The following PDZRN4 variants were observed in gnomAD, a reference collection of about 807,000 sequenced individuals.
PDZRN4 encodes the protein PDZ domain containing ring finger 4, also known as PDZ domain-containing RING finger protein 4.
In PDZRN4, 70 loss-of-function variants were observed where a neutral mutation model predicts 99.0. The ratio of observed to expected loss-of-function variants is 0.71; its 90% CI spans 0.58 to 0.86. The LOEUF (loss-of-function observed/expected upper bound fraction) is 0.86. Ranked by LOEUF, PDZRN4 falls within the 40% of genes least tolerant of loss-of-function variation. PDZRN4 has a pLI of 0.00. For synonymous variants in PDZRN4, 551 were observed against 501.6 expected, an observed-to-expected ratio of 1.10 and a Z score of -1.32; for missense variants, 1,474 against 1,331.2, an observed-to-expected ratio of 1.11 and a Z score of -1.67.
chr12:41,338,488 T>C (rs1951791259), intron 3 of PDZRN4, among the ~76,000 whole-genome samples: 1 of 150,514 alleles, frequency 6.6e-6, no homozygotes. Context: ...GAGAGATTTT[T>C]AAAAACAATT....
At chr12:41,503,058 G>T (rs1166432353) in intron 3 of PDZRN4, among the ~76,000 whole-genome samples, 1 of 151,970 alleles carries the variant, frequency 6.6e-6, no homozygotes, top group South Asian at 2.1e-4. Context: ...CTTGGGAAAG[G>T]CATAATATAT....
intron 3 of PDZRN4, among the ~76,000 whole-genome samples, chr12:41,197,920 G>GTTTTTTTTTT (rs533696414): frequency 8.7e-6 from 1 of 115,598 alleles, no homozygotes; most frequent in Non-Finnish European, 1.7e-5. Context: ...TTTTTTCTGG[G>GTTTTTTTTTT]TTTTTTTTTT....
chr12:41,370,256 T>C (rs1225666364), intron 3 of PDZRN4, among the ~76,000 whole-genome samples: 2 of 151,956 alleles, frequency 1.3e-5, no homozygotes, highest in African/African-American at 2.4e-5. Flanking sequence ...TCATCAATTC[T>C]TTTCACCACG....
intron 3 of PDZRN4, among the ~76,000 whole-genome samples, chr12:41,494,512 G>A (rs191917003): frequency 4.1e-4 from 62 of 152,094 alleles, no homozygotes; most frequent in African/African-American, 1.3e-3. Flanking sequence ...CGACCATGTC[G>A]ATGAAATTAC....
chr12:41,223,735 C>T (rs34160372), intron 3 of PDZRN4, among the ~76,000 whole-genome samples: 2,364 of 152,272 alleles, frequency 0.016, 36 homozygotes, highest in Non-Finnish European at 0.022. Context: ...GCGGAAAGAA[C>T]TGACAGCTCC....
chr12:41,454,068 A>G (rs1459338578), intron 3 of PDZRN4, among the ~76,000 whole-genome samples: 1 of 151,538 alleles, frequency 6.6e-6, no homozygotes, highest in African/African-American at 2.4e-5. Context: ...AGCTATCATA[A>G]TGGCTCATTT....
chr12:41,352,743 A>G (rs1358963326), intron 3 of PDZRN4, among the ~76,000 whole-genome samples: 1 of 152,128 alleles, frequency 6.6e-6, no homozygotes, highest in Non-Finnish European at 1.5e-5. Flanking sequence ...ACAGGCAATC[A>G]GTATGCATTT....
At chr12:41,335,064 T>C (rs1043672426) in intron 3 of PDZRN4, among the ~76,000 whole-genome samples, 1 of 151,958 alleles carries the variant, frequency 6.6e-6, no homozygotes, top group Admixed American at 6.6e-5. Context: ...TAGGTAAAAA[T>C]GAAAATATAA....
At chr12:41,439,367 T>C (rs1282858603) in intron 3 of PDZRN4, among the ~76,000 whole-genome samples, 3 of 152,202 alleles carry the variant, frequency 2.0e-5, no homozygotes, top group East Asian at 3.8e-4. Context: ...CTTAGTTTGG[T>C]TGTTAGAGTT....
intron 3 of PDZRN4, among the ~76,000 whole-genome samples, chr12:41,384,710 G>T (rs1056616740): frequency 3.9e-5 from 6 of 152,098 alleles, no homozygotes; most frequent in Non-Finnish European, 8.8e-5. Flanking sequence ...AAAAGGACAG[G>T]CTCTGCCAAA....
intron 3 of PDZRN4, among the ~76,000 whole-genome samples, chr12:41,495,954 C>T (rs1212519433): frequency 6.6e-6 from 1 of 152,082 alleles, no homozygotes; most frequent in Non-Finnish European, 1.5e-5. Flanking sequence ...GCCCTTTGTG[C>T]TCTTGCAGAG....
intron 3 of PDZRN4, among the ~76,000 whole-genome samples, chr12:41,290,762 C>T (rs989920086): frequency 1.3e-5 from 2 of 151,988 alleles, no homozygotes; most frequent in Admixed American, 1.3e-4. Context: ...GAAGGAATAA[C>T]CGGTCATTTT....
chr12:41,484,904 C>G (rs772168083), intron 3 of PDZRN4, among the ~76,000 whole-genome samples: 10 of 152,096 alleles, frequency 6.6e-5, no homozygotes, highest in Middle Eastern at 3.2e-3. Context: ...AACAAAGTGA[C>G]TTGCGTCTTT....
intron 3 of PDZRN4, among the ~76,000 whole-genome samples, chr12:41,244,663 A>G (rs1951121894): frequency 7.6e-6 from 1 of 131,950 alleles, no homozygotes; most frequent in Non-Finnish European, 1.6e-5. Context: ...AAGCACACCA[A>G]TGTCTTTTTT....
intron 3 of PDZRN4, among the ~76,000 whole-genome samples, chr12:41,372,982 C>A (rs1952053316): frequency 6.6e-6 from 1 of 152,060 alleles, no homozygotes; most frequent in South Asian, 2.1e-4. Context: ...GGACAGAGTA[C>A]AAAATAGAGA....
intron 5 of PDZRN4, among the ~76,000 whole-genome samples, chr12:41,551,522 C>A (rs1390149918): frequency 6.6e-6 from 1 of 152,108 alleles, no homozygotes; most frequent in Non-Finnish European, 1.5e-5. Context: ...AATCTCTGTG[C>A]ATCTGGAAAG....
intron 3 of PDZRN4, among the ~76,000 whole-genome samples, chr12:41,385,521 C>A (rs1264712775): frequency 6.6e-6 from 1 of 152,066 alleles, no homozygotes; most frequent in East Asian, 1.9e-4. Context: ...TATAAACAAC[C>A]ATCAGGGAAT....
chr12:41,216,533 A>T (rs971568149), intron 3 of PDZRN4, among the ~76,000 whole-genome samples: 1 of 152,020 alleles, frequency 6.6e-6, no homozygotes, highest in Non-Finnish European at 1.5e-5. Flanking sequence ...ACCAGGAAAA[A>T]CTTTGAGTAT....
chr12:41,573,420 A>C lies in PDZRN4; in HGVS notation c.2641A>C (p.Lys881Gln). The change falls in exon 10 of 10, where the codon AAG (lysine) becomes CAG (glutamine). Residue 881 changes from lysine to glutamine, a missense_variant. Transcript: ENST00000402685. ...GGTGAGCATGTGCAAGGAGTCTCAG[A>C]AGTGTTCAGAGCCCAAGATGGAATG... ...SLVSMCKESQ[K>Q]CSEPKMEWKV... 5 of 1,613,778 alleles carry C rather than the reference A, an allele frequency of 3.1e-6. No individual in the cohort carries two copies. The highest frequency in any genetic ancestry group is 4.2e-6 in the Non-Finnish European group (5 of 1,180,006).
Sources: allele counts gnomAD v4.1 joint callset (sites outside exome capture counted in the v4.1 genomes callset), GRCh38; gene constraint gnomAD v4.1.1; transcripts MANE v1.5; gene names NCBI Gene and HGNC (gene_info 2026-07-23, HGNC 2026-07-21).